Variants in EYS observed in about 807,000 individuals in gnomAD.
The protein encoded by EYS is protein eyes shut homolog.
In EYS, 250 loss-of-function variants were observed where a neutral mutation model predicts 282.1. That is an observed-to-expected ratio of 0.89 (90% CI 0.80 to 0.98). The LOEUF is 0.98. EYS is among the 50% of genes least tolerant of loss of function. EYS has a pLI of 0.00. For missense variants in EYS, 4,016 were observed against 3,709.0 expected, an observed-to-expected ratio of 1.08 and a Z score of -2.15; for synonymous variants, 1,355 against 1,282.9, an observed-to-expected ratio of 1.06 and a Z score of -1.20.
At chr6:64,123,371 G>A in intron 31 of EYS, among the ~76,000 whole-genome samples, 1 of 152,068 alleles carries the variant, frequency 6.6e-6, no homozygotes, top group East Asian at 1.9e-4. Context: ...TCATCTGGGA[G>A]CAAATTTCTT....
At chr6:64,325,300 T>C (rs922356529) in intron 29 of EYS, among the ~76,000 whole-genome samples, 2 of 152,088 alleles carry the variant, frequency 1.3e-5, no homozygotes, top group Admixed American at 6.6e-5. Context: ...TGTAGCTAGA[T>C]CCAGAAGAGA....
intron 26 of EYS, among the ~76,000 whole-genome samples, chr6:64,557,721 A>C (rs1261439437): frequency 6.6e-6 from 1 of 152,078 alleles, no homozygotes; most frequent in African/African-American, 2.4e-5. Context: ...TATAGGAAAG[A>C]AGCAGTAATT....
intron 22 of EYS, among the ~76,000 whole-genome samples, chr6:64,694,155 G>GT (rs900069586): frequency 6.6e-6 from 1 of 152,032 alleles, no homozygotes; most frequent in Non-Finnish European, 1.5e-5. Context: ...TCGTTGTTGG[G>GT]TTTTTTCCCC....
intron 22 of EYS, among the ~76,000 whole-genome samples, chr6:64,756,443 A>G (rs1772938559): frequency 1.3e-5 from 2 of 152,308 alleles, no homozygotes; most frequent in Admixed American, 1.3e-4. Context: ...GGCAGAATTC[A>G]AGCCATAATG....
At chr6:64,298,771 C>G (rs1769128615) in intron 30 of EYS, among the ~76,000 whole-genome samples, 1 of 151,978 alleles carries the variant, frequency 6.6e-6, no homozygotes, top group African/African-American at 2.4e-5. Context: ...TATATCCTCT[C>G]TAACAAAGAT....
intron 29 of EYS, among the ~76,000 whole-genome samples, chr6:64,381,835 T>A (rs1020966684): frequency 6.6e-6 from 1 of 152,212 alleles, no homozygotes; most frequent in Admixed American, 6.5e-5. Context: ...ATCAGTTAAG[T>A]AAGCAAATTC....
chr6:64,422,722 G>A (rs140324888), intron 28 of EYS, among the ~76,000 whole-genome samples: 23 of 152,190 alleles, frequency 1.5e-4, no homozygotes, highest in African/African-American at 4.1e-4. Flanking sequence ...TTCTTAGAAC[G>A]ATGGAGTGAG....
chr6:64,145,728 G>A (rs1178444391), intron 31 of EYS, among the ~76,000 whole-genome samples: 1 of 152,098 alleles, frequency 6.6e-6, no homozygotes, highest in Non-Finnish European at 1.5e-5. Context: ...AAGGTTTACT[G>A]TATGACTTCA....
At chr6:63,734,600 A>G (rs1231727669) in intron 41 of EYS, among the ~76,000 whole-genome samples, 3 of 152,164 alleles carry the variant, frequency 2.0e-5, no homozygotes, top group Non-Finnish European at 2.9e-5. Flanking sequence ...TTTCAAATAT[A>G]TTTTGAAAAA....
chr6:64,599,440 T>C (rs1766695598), intron 24 of EYS, among the ~76,000 whole-genome samples: 1 of 152,164 alleles, frequency 6.6e-6, no homozygotes, highest in Non-Finnish European at 1.5e-5. Context: ...GTTTAGTGAA[T>C]GATTTGTAAA....
intron 26 of EYS, among the ~76,000 whole-genome samples, chr6:64,576,434 G>T (rs1765883504): frequency 6.6e-6 from 1 of 151,986 alleles, no homozygotes; most frequent in Non-Finnish European, 1.5e-5. Context: ...TTGAGATTAA[G>T]ACAGGTTAAT....
intron 2 of EYS, among the ~76,000 whole-genome samples, chr6:65,526,283 C>G (rs1767559395): frequency 1.3e-5 from 2 of 152,250 alleles, no homozygotes; most frequent in Admixed American, 6.5e-5. Context: ...ATGATATTTA[C>G]AGAAAAAATC....
At chr6:64,868,677 A>T (rs910922907) in intron 19 of EYS, among the ~76,000 whole-genome samples, 7 of 151,670 alleles carry the variant, frequency 4.6e-5, no homozygotes, top group African/African-American at 1.4e-4. Flanking sequence ...TGGAAGGAGG[A>T]TATTCAGAAA....
intron 36 of EYS, among the ~76,000 whole-genome samples, chr6:63,819,393 CAG>C (rs749489203): frequency 6.6e-6 from 1 of 152,266 alleles, no homozygotes; most frequent in East Asian, 1.9e-4. Context: ...GAGTGGAGCT[CAG>C]AGTCACAGAG....
At chr6:65,052,288 T>C (rs937244309) in intron 13 of EYS, among the ~76,000 whole-genome samples, 1 of 151,606 alleles carries the variant, frequency 6.6e-6, no homozygotes, top group Non-Finnish European at 1.5e-5. Context: ...TGCTTAATAA[T>C]TACTTTTCTT....
chr6:65,247,339 T>C (rs954977072), intron 12 of EYS, among the ~76,000 whole-genome samples: 1 of 152,086 alleles, frequency 6.6e-6, no homozygotes, highest in Non-Finnish European at 1.5e-5. Flanking sequence ...TCAATGTCAA[T>C]TTATTTGAGA....
rs1298936541 is a variant in EYS at position 63,760,148 on chromosome 6, CATT to C, written c.8071+2310_8071+2312del. ...CTGGGTTAAAAGTAAAAAACTCACA[CATT>C]ATGGAATCTAACTTGCTATATGTCA... On this transcript the variant is annotated intron_variant, in intron 41 of 42. Coordinates refer to ENST00000503581, the MANE Select transcript of EYS (RefSeq NM_001142800.2). Among the ~76,000 whole-genome samples the C allele has an allele frequency of 2.6e-5, 4 of 152,086 alleles. No homozygotes were observed. The East Asian group carries it at 5.8e-4, about 22-fold the overall frequency.
At chr6:63,802,162 T>C (rs1562033081) in intron 37 of EYS, among the ~76,000 whole-genome samples, 1 of 152,250 alleles carries the variant, frequency 6.6e-6, no homozygotes, top group Non-Finnish European at 1.5e-5. Context: ...TTCATAGCTT[T>C]ATGCTATATA....
At chr6:64,779,933 A>G (rs761793472) in intron 22 of EYS, among the ~76,000 whole-genome samples, 3 of 152,248 alleles carry the variant, frequency 2.0e-5, no homozygotes, top group African/African-American at 7.2e-5. Context: ...AAGGGCCACC[A>G]TAAATGCTAA....
Sources: allele counts gnomAD v4.1 joint callset (sites outside exome capture counted in the v4.1 genomes callset), GRCh38; gene constraint gnomAD v4.1.1; transcripts MANE v1.5; gene names NCBI Gene and HGNC (gene_info 2026-07-23, HGNC 2026-07-21).